AKAP11: variants seen among roughly 807,000 people sequenced by gnomAD.
AKAP11 encodes A-kinase anchor protein 11.
In AKAP11, 36 loss-of-function variants were observed where a neutral mutation model predicts 146.1. The ratio of observed to expected loss-of-function variants is 0.25; its 90% confidence interval spans 0.19 to 0.33. The LOEUF (loss-of-function observed/expected upper bound fraction) is 0.33, where lower values mean the gene tolerates loss of function less well. AKAP11 is among the 10% of genes least tolerant of loss of function. The pLI, the probability that AKAP11 is intolerant of heterozygous loss-of-function variation, is 1.00. For synonymous variants in AKAP11, 780 were observed against 786.5 expected (o/e 0.99, Z 0.14); for missense variants, 2,201 against 2,197.0 (o/e 1.00, Z -0.04).
Position 42,300,780 on chromosome 13 carries a change from GTTTGAC to G in AKAP11, c.2040_2045del (p.Asp680_Phe681del), listed in dbSNP as rs1156639883. 5 of 1,613,988 alleles carry G rather than the reference GTTTGAC, an allele frequency of 3.1e-6. No individual in the cohort carries two copies. Among genetic ancestry groups the G allele is most frequent in the Non-Finnish European group, 3.4e-6 (4 of 1,179,982 alleles). On this transcript the variant is annotated inframe_deletion, in exon 8 of 13. Coordinates refer to ENST00000025301, the MANE Select transcript of AKAP11 (RefSeq NM_016248.4). The stretch of plus-strand genomic sequence containing the variant: ...CGCCTGCATCTCCACAGTGTGGGTC[GTTTGAC>G]TTTGAAGACAAAGTAGTGAAGTTGT...
intron 8 of AKAP11, among the ~76,000 whole-genome samples, chr13:42,306,808 C>T (rs1227069033): frequency 6.6e-6 from 1 of 152,144 alleles, no homozygotes; most frequent in Non-Finnish European, 1.5e-5. Flanking sequence ...CATGTGAATG[C>T]AATTGGGAAA....
chr13:42,306,882 C>G (rs187430726), intron 8 of AKAP11, among the ~76,000 whole-genome samples: 10 of 152,156 alleles, frequency 6.6e-5, no homozygotes, highest in African/African-American at 2.4e-4. Context: ...GATGAGATCT[C>G]ACTATGTTGC....
chr13:42,298,867 A>C, intron 7 of AKAP11, 70 bp downstream of exon 7: 1 of 1,437,758 alleles, frequency 7.0e-7, no homozygotes, highest in Non-Finnish European at 9.2e-7. Context: ...ATTTTAAGGC[A>C]GGCTTGTTCA....
intron 11 of AKAP11, among the ~76,000 whole-genome samples, chr13:42,315,191 C>G (rs1960762237): frequency 6.6e-6 from 1 of 152,188 alleles, no homozygotes; most frequent in South Asian, 2.1e-4. Flanking sequence ...AGTTTAACAC[C>G]TTGTTTAGGG....
At chr13:42,288,352 G>A (rs1337899707) in intron 3 of AKAP11, among the ~76,000 whole-genome samples, 1 of 151,974 alleles carries the variant, frequency 6.6e-6, no homozygotes, top group Non-Finnish European at 1.5e-5. Flanking sequence ...ACAAACCCAC[G>A]TACCTACCAC....
In AKAP11 at chr13:42,300,201, T is replaced by C; in HGVS notation, c.1455T>C (p.Tyr485=). ...TTCATGAAAATCATGATTCTGTTTA[T>C]TACACCTATGAAGACTATGCAAAAA... ...DRIHENHDSV[Y]YTYEDYAKSI... Residue 485 remains tyrosine, a synonymous_variant, in exon 8 of 13, where the codon TAT becomes TAC. Transcript: ENST00000025301. 10 of 1,614,000 alleles carry C rather than the reference T, an allele frequency of 6.2e-6. No homozygotes were observed. The highest frequency in any genetic ancestry group is 8.5e-6 in the Non-Finnish European group (10 of 1,179,894).
At chr13:42,293,385 T>C (rs1959307871) in intron 4 of AKAP11, among the ~76,000 whole-genome samples, 1 of 152,160 alleles carries the variant, frequency 6.6e-6, no homozygotes, top group African/African-American at 2.4e-5. Flanking sequence ...TGGATGATTT[T>C]CTTAATATTC....
At chr13:42,272,830 T>C (rs1958811328) in intron 1 of AKAP11, among the ~76,000 whole-genome samples, 1 of 152,240 alleles carries the variant, frequency 6.6e-6, no homozygotes, top group Non-Finnish European at 1.5e-5. Flanking sequence ...GGCCATAAAG[T>C]ACCCCGAATG....
intron 12 of AKAP11, 120 bp from the exon 13 acceptor site, chr13:42,318,968 G>A: frequency 6.6e-6 from 8 of 1,207,988 alleles, no homozygotes; most frequent in Non-Finnish European, 9.2e-6. Flanking sequence ...TTATAACTAG[G>A]AAACGGTATT....
intron 7 of AKAP11, 91 bp downstream of exon 7, chr13:42,298,888 A>T: frequency 7.7e-7 from 1 of 1,299,902 alleles, no homozygotes; most frequent in Non-Finnish European, 1.0e-6. Context: ...GTTGAAATTT[A>T]TGTTGAGATT....
chr13:42,301,139 C>T lies in AKAP11; in HGVS notation c.2393C>T (p.Ala798Val), dbSNP rs769613227. 24 of 1,613,958 alleles carry T rather than the reference C, an allele frequency of 1.5e-5. 1 individual carries two copies. The South Asian group carries it at 2.6e-4, about 18-fold the overall frequency. Residue 798 changes from alanine to valine, a missense_variant, in exon 8 of 13, where the codon GCA becomes GTA. This residue lies in a region of AKAP11 where 1,867 missense variants were observed against 1,833.5 expected (regional missense o/e 1.02). Coordinates refer to ENST00000025301, the MANE Select transcript of AKAP11 (RefSeq NM_016248.4). ...CTCCCATATCATATTTCATCTACTG[C>T]ATGTCAGGCCAAGGCTCATCTGTCA... ...ALLPYHISST[A>V]CQAKAHLSSD...
rs1959961967 is a variant in AKAP11, at chr13:42,302,170, C to T, written c.3424C>T (p.His1142Tyr). 1 of 1,614,056 alleles carries T rather than the reference C, an allele frequency of 6.2e-7. No homozygotes were observed. Among genetic ancestry groups the T allele is most frequent in the Admixed American group, 1.7e-5 (1 of 60,004 alleles). ...ACCTGCTACACCACCTTCTACTCCACACAACTCATCTGTTGGTAGTTTGTC... is the reference window on the plus strand; with the variant it reads ...ACCTGCTACACCACCTTCTACTCCATACAACTCATCTGTTGGTAGTTTGTC... Reference protein sequence around the residue: ...FAPATPPSTPHNSSVGSLSEN... With the variant: ...FAPATPPSTPYNSSVGSLSEN... The change falls in exon 8 of 13, where the codon CAC becomes TAC. Residue 1142 changes from histidine to tyrosine, a missense_variant. Coordinates refer to ENST00000025301, the MANE Select transcript of AKAP11 (RefSeq NM_016248.4).
At position 42,319,174 on chromosome 13, in the gene AKAP11, T is replaced by G; in HGVS notation, c.5652T>G (p.Ala1884=). 1 of 1,614,100 alleles carries G rather than the reference T, an allele frequency of 6.2e-7. No individual in the cohort carries two copies. The highest frequency in any genetic ancestry group is 8.5e-7 in the Non-Finnish European group (1 of 1,179,970). ...VLQYYEVMEK[A]SSEERCKSLF... is the part of the protein sequence containing the mutation. ...AATACTATGAAGTGATGGAAAAAGC[T>G]TCCAGTGAGGAGAGATGCAAGTCGC... Residue 1884 remains alanine, a synonymous_variant, in exon 13 of 13, where the codon GCT becomes GCG. Transcript: ENST00000025301.
intron 3 of AKAP11, 141 bp from the exon 4 acceptor site, chr13:42,292,244 T>C: frequency 2.3e-6 from 1 of 428,384 alleles, no homozygotes; most frequent in African/African-American, 2.0e-5. Context: ...CTCAGTGGAA[T>C]TGAGTTCCGC....
intron 6 of AKAP11, among the ~76,000 whole-genome samples, 190 bp from the exon 7 acceptor site, chr13:42,298,343 A>C (rs1959633027): frequency 6.6e-6 from 1 of 152,142 alleles, no homozygotes; most frequent in Admixed American, 6.6e-5. Context: ...GATGGGAGAA[A>C]AAAGGACTGG....
chr13:42,292,563 T>A, intron 4 of AKAP11, 62 bp downstream of exon 4: 5 of 954,750 alleles, frequency 5.2e-6, no homozygotes, highest in Non-Finnish European at 7.7e-6. Context: ...CATGCATCTT[T>A]GTAGGACTCT....
In AKAP11 at chr13:42,300,902, G is replaced by T. The variant is rs548020698; in HGVS notation, c.2156G>T (p.Ser719Ile). The T allele has an allele frequency of 6.2e-7, 1 of 1,614,122 alleles. No homozygotes were observed. The highest frequency in any genetic ancestry group is 1.3e-5 in the African/African-American group (1 of 75,052). The change falls in exon 8 of 13, where the codon AGT (serine) becomes ATT (isoleucine). Residue 719 changes from serine (S) to isoleucine (I), a missense_variant. Physicochemically the swap from Ser to Ile is moderately radical, Grantham distance 142. Transcript: ENST00000025301. Reference sequence around the variant, plus strand: ...ACCTTTACAACAAAGGCAGCAGTTAGTGTCTCTACGGATAATATCAAGTAT... The same window carrying T: ...ACCTTTACAACAAAGGCAGCAGTTATTGTCTCTACGGATAATATCAAGTAT... Reference protein sequence around the residue: ...DVTFTTKAAVSVSTDNIKYVS... With the variant: ...DVTFTTKAAVIVSTDNIKYVS...
chr13:42,277,958 T>C (rs1190419055), intron 1 of AKAP11, among the ~76,000 whole-genome samples: 3 of 152,182 alleles, frequency 2.0e-5, no homozygotes, highest in Non-Finnish European at 4.4e-5. Flanking sequence ...AGTGCTAAAA[T>C]AGGGTAAGTG....
chr13:42,271,880 C>T (rs1215098587), upstream of AKAP11, among the ~76,000 whole-genome samples: 1 of 151,652 alleles, frequency 6.6e-6, no homozygotes, highest in Non-Finnish European at 1.5e-5. Context: ...GCTCCGCGGG[C>T]TGCACTGGAG....
Sources: gnomAD v4.1 joint callset for allele counts (sites outside exome capture counted in the v4.1 genomes callset) on GRCh38, gnomAD v4.1.1 for gene constraint, gnomAD v4.1.1 regional missense constraint, MANE v1.5 for transcripts, NCBI Gene and HGNC (gene_info 2026-07-23, HGNC 2026-07-21) for gene names.